VILL: variants seen among roughly 807,000 people sequenced by gnomAD.
VILL encodes villin-like protein.
VILL carries 102 observed loss-of-function variants against 106.3 expected under a neutral mutation model. That is an observed-to-expected ratio of 0.96 (90% CI 0.82 to 1.13). VILL has a LOEUF of 1.13. Ranked by LOEUF, VILL falls within the 50% of genes most tolerant of loss-of-function variation. The pLI is 0.00. For synonymous variants in VILL, 431 were observed against 440.3 expected (o/e 0.98, Z 0.27); for missense variants, 1,076 against 1,116.6 (o/e 0.96, Z 0.52).
chr3:37,999,473 G>A, intron 11 of VILL, 34 bp downstream of exon 11: 1 of 1,434,546 alleles, frequency 7.0e-7, no homozygotes, highest in South Asian at 1.5e-5. Flanking sequence ...GGGAAGATGG[G>A]CACACGGAGG....
chr3:37,990,345 C>A (rs1217278078), upstream of VILL, among the ~76,000 whole-genome samples: 2 of 152,202 alleles, frequency 1.3e-5, no homozygotes, highest in East Asian at 3.8e-4. The surrounding 1 kb of genome is among the most constrained non-coding windows in gnomAD (Gnocchi z 5.1). Context: ...CTGAAGTGAG[C>A]TGGGTCTCAC....
At chr3:37,995,653 C>A in intron 4 of VILL, 86 bp from the exon 5 acceptor site, 3 of 1,120,354 alleles carry the variant, frequency 2.7e-6, no homozygotes, top group African/African-American at 1.5e-5. Context: ...CGTGCACGTG[C>A]TCACATCTGC....
rs760103623 is a variant in VILL at position 37,998,992 on chromosome 3, G to A, written c.1023G>A (p.Lys341=). The change falls in exon 10 of 20, where the codon AAG becomes AAA. Residue 341 remains lysine (K), a synonymous_variant. Coordinates refer to ENST00000383759, the MANE Select transcript of VILL (RefSeq NM_015873.4). This position sits in a 1 kb window ranked among gnomAD's most constrained non-coding sequence, Gnocchi z 4.1. ...ACGGCGCCGAGTCGGCCGCGTTCAA[G>A]CAGCTCTTCCGGACTTGGTCTGAGA... ...VNDGAESAAF[K]QLFRTWSEKR... is the part of the protein sequence containing the mutation. 6.8e-6 allele frequency: 11 copies of A among 1,609,786 alleles called. No individual in the cohort carries two copies. The South Asian group carries it at 9.9e-5, about 14-fold the overall frequency.
In VILL at chr3:37,998,114, G is replaced by A; in HGVS notation, c.789G>A (p.Leu263=). ...LYHVYEKGKD[L]VVLELATPPL... is the part of the protein sequence containing the mutation. Reference sequence around the variant, plus strand: ...GTGTCTATGAGAAGGGCAAAGACCTGGTGGTCCTGGAGTTGGCGACCCCCC... The same window carrying A: ...GTGTCTATGAGAAGGGCAAAGACCTAGTGGTCCTGGAGTTGGCGACCCCCC... The change falls in exon 8 of 20, where the codon CTG becomes CTA. Residue 263 remains leucine (L), a synonymous_variant. Transcript: ENST00000383759. The surrounding 1 kb of genome is among the most constrained non-coding windows in gnomAD (Gnocchi z 4.1). 6.2e-7 allele frequency: 1 copy of A among 1,612,914 alleles called. No individual in the cohort carries two copies. The highest frequency in any genetic ancestry group is 1.1e-5 in the South Asian group (1 of 90,864).
chr3:37,996,116 C>T (rs1200081906), intron 5 of VILL, among the ~76,000 whole-genome samples: 4 of 152,124 alleles, frequency 2.6e-5, no homozygotes, highest in African/African-American at 4.8e-5. Flanking sequence ...AGGAGGATCG[C>T]CTGAGCCCAG....
At chr3:38,002,612 T>G in intron 14 of VILL, 37 bp downstream of exon 14, 3 of 1,592,548 alleles carry the variant, frequency 1.9e-6, no homozygotes, top group Non-Finnish European at 2.6e-6. Flanking sequence ...CATGCCCAGA[T>G]GTAGTGGTGC....
At chr3:38,000,750 G>A (rs1181812942) in intron 11 of VILL, among the ~76,000 whole-genome samples, 1 of 152,210 alleles carries the variant, frequency 6.6e-6, no homozygotes, top group African/African-American at 2.4e-5. Flanking sequence ...CAGGGCTCTG[G>A]CTGCTCTGGT....
In VILL at chr3:38,007,097, A is replaced by T. The variant is rs377352884; in HGVS notation, c.*42A>T. 1 of 1,514,850 alleles carries T rather than the reference A, an allele frequency of 6.6e-7. No homozygotes were observed. The highest frequency in any genetic ancestry group is 1.1e-5 in the South Asian group (1 of 88,612). 93.8% of individuals were successfully genotyped at this position (1,514,850 alleles called of 1,614,324 possible). A position where few individuals can be genotyped will look rare whatever the true frequency, so the allele number is the denominator to read the frequency against. On this transcript the variant is annotated 3_prime_UTR_variant, in exon 20 of 20. Coordinates refer to ENST00000383759, the MANE Select transcript of VILL (RefSeq NM_015873.4). ...CTGCCCCTATCCCCTGGACCCCAAC[A>T]TACCTACAATGCTGGGGAGGCCCTG...
In VILL at chr3:38,001,996, A is replaced by G. The variant is rs574095342; in HGVS notation, c.1479+136A>G. 35 of 1,411,686 alleles carry G rather than the reference A, an allele frequency of 2.5e-5. 1 individual carries two copies. Among genetic ancestry groups the G allele is most frequent in the South Asian group, 2.0e-4 (16 of 79,994 alleles). 87.4% of individuals were successfully genotyped at this position (1,411,686 alleles called of 1,614,324 possible). A position where few individuals can be genotyped will look rare whatever the true frequency, so the allele number is the denominator to read the frequency against. On this transcript the variant is annotated intron_variant, in intron 13 of 19. Transcript: ENST00000383759. ...CCCCTAGTTTCCCAGAGCTTGTCCAAGGCCCAGGAGCTCCAAGGTTGGCCC... is the reference window on the plus strand; with the variant it reads ...CCCCTAGTTTCCCAGAGCTTGTCCAGGGCCCAGGAGCTCCAAGGTTGGCCC...
At chr3:38,001,953 C>A in intron 13 of VILL, 93 bp downstream of exon 13, 2 of 1,565,478 alleles carry the variant, frequency 1.3e-6, no homozygotes, top group East Asian at 4.6e-5. Context: ...CTCTTTGGGC[C>A]TGGGGCCTGC....
chr3:38,003,308 C>G lies in VILL; in HGVS notation c.1800C>G (p.Asn600Lys). Residue 600 changes from asparagine (N) to lysine (K), a missense_variant, in exon 15 of 20, where the codon AAC (asparagine) becomes AAG (lysine). Coordinates refer to ENST00000383759, the MANE Select transcript of VILL (RefSeq NM_015873.4). Reference protein sequence around the residue: ...ALGGRAPYPSNKRLPEEVPSF... With the variant: ...ALGGRAPYPSKKRLPEEVPSF... ...GAGGCCGGGCCCCCTACCCCAGCAA[C>G]AAGAGGTAACAGGGTTGGGAGGAGA... The G allele has an allele frequency of 1.2e-6, 2 of 1,607,822 alleles. No homozygotes were observed. The highest frequency in any genetic ancestry group is 8.5e-7 in the Non-Finnish European group (1 of 1,177,770).
At chr3:38,001,195 A>G in intron 11 of VILL, 1 of 575,008 alleles carries the variant, frequency 1.7e-6, no homozygotes, top group South Asian at 2.0e-5. Flanking sequence ...GGTTGGGACT[A>G]GGGCTGGGCA....
At chr3:37,995,556 GCA>G (rs1247187127) in intron 4 of VILL, among the ~76,000 whole-genome samples, 181 bp from the exon 5 acceptor site, 1 of 152,270 alleles carries the variant, frequency 6.6e-6, no homozygotes. Flanking sequence ...GGAAATGAAT[GCA>G]CACTCATGCC....
At chr3:37,996,242 A>G (rs992313725) in intron 5 of VILL, among the ~76,000 whole-genome samples, 3 of 152,136 alleles carry the variant, frequency 2.0e-5, no homozygotes, top group African/African-American at 7.2e-5. Flanking sequence ...GCGCCTGTGA[A>G]TGGTCCTTGT....
At chr3:37,995,994 G>C (rs549324434) in intron 5 of VILL, 147 bp downstream of exon 5, 2 of 626,614 alleles carry the variant, frequency 3.2e-6, no homozygotes, top group East Asian at 5.9e-5. Flanking sequence ...AGAACAGAGA[G>C]GACACCAGGC....
chr3:38,001,404 G>T, intron 11 of VILL, 52 bp from the exon 12 acceptor site: 1 of 1,601,906 alleles, frequency 6.2e-7, no homozygotes, highest in African/African-American at 1.3e-5. Context: ...AGGATGGGTG[G>T]GCTGGTTCAG....
In VILL at chr3:37,997,655, A is replaced by C; in HGVS notation, c.734A>C (p.Gln245Pro). 1 of 1,521,090 alleles carries C rather than the reference A, an allele frequency of 6.6e-7. No individual in the cohort carries two copies. Among genetic ancestry groups the C allele is most frequent in the Non-Finnish European group, 8.9e-7 (1 of 1,121,052 alleles). The allele number at this position is 1,521,090 out of a possible 1,614,324, so 94.2% of individuals were successfully genotyped here. The change falls in exon 7 of 20, where the codon CAG (glutamine) becomes CCG (proline). Residue 245 changes from glutamine to proline, a missense_variant. Physicochemically the swap from Gln to Pro is moderately conservative, Grantham distance 76. Transcript: ENST00000383759. The surrounding 1 kb of genome is among the most constrained non-coding windows in gnomAD (Gnocchi z 4.7). ...GCCACGCCCAGCAAGGATATCAACC[A>C]GCTGCAGAAGGCCAATGTTCGCCTG... is the stretch of plus-strand genomic sequence containing the variant. ...RAATPSKDINQLQKANVRLYH... is the reference protein window; with the variant it reads ...RAATPSKDINPLQKANVRLYH...
At chr3:38,005,746 G>A (rs975186224) in intron 16 of VILL, 46 bp from the exon 17 acceptor site, 34 of 1,568,348 alleles carry the variant, frequency 2.2e-5, no homozygotes, top group Non-Finnish European at 2.8e-5. Flanking sequence ...GTCAGCTCTG[G>A]GCAGCCCCTC....
rs759711919 is a variant in VILL at position 37,997,504 on chromosome 3, C to A, written c.583C>A (p.Leu195Ile). 4 of 1,614,008 alleles carry A rather than the reference C, an allele frequency of 2.5e-6. No homozygotes were observed. Among genetic ancestry groups the A allele is most frequent in the Non-Finnish European group, 3.4e-6 (4 of 1,180,018 alleles). ...KARGLALTYS[L>I]RDRERGGGRA... ...GCAGGGGCTGGCTTTGACCTACAGC[C>A]TCCGGGACAGGGAACGTGGTGGTGG... Residue 195 changes from leucine to isoleucine, a missense_variant, in exon 7 of 20, where the codon CTC (leucine) becomes ATC (isoleucine). Transcript: ENST00000383759. The surrounding 1 kb of genome is among the most constrained non-coding windows in gnomAD (Gnocchi z 4.7).
Sources: gnomAD v4.1 joint callset for allele counts (sites outside exome capture counted in the v4.1 genomes callset) on GRCh38, gnomAD v4.1.1 for gene constraint, Gnocchi (gnomAD v3.1) non-coding constraint, MANE v1.5 for transcripts, NCBI Gene and HGNC (gene_info 2026-07-23, HGNC 2026-07-21) for gene names.